UQCRC1: variants seen among roughly 807,000 people sequenced by gnomAD.
UQCRC1 encodes the protein ubiquinol-cytochrome c reductase core protein 1.
In UQCRC1, 34 loss-of-function variants were observed where a neutral mutation model predicts 58.0. The ratio of observed to expected loss-of-function variants is 0.59; its 90% confidence interval spans 0.45 to 0.78. The LOEUF is 0.78. UQCRC1 is among the 30% of genes least tolerant of loss of function. The pLI is 0.00. For missense variants in UQCRC1, 610 were observed against 646.0 expected (o/e 0.94, Z 0.60); for synonymous variants, 276 against 248.8 (o/e 1.11, Z -1.03).
At chr3:48,599,939 A>T in intron 11 of UQCRC1, 124 bp downstream of exon 11, 1 of 1,251,306 alleles carries the variant, frequency 8.0e-7, no homozygotes, top group African/African-American at 1.5e-5. Flanking sequence ...CCTGCAGGTG[A>T]CAGCTGCCTA....
intron 2 of UQCRC1, among the ~76,000 whole-genome samples, chr3:48,607,745 G>A (rs1026568736): frequency 1.3e-5 from 2 of 151,990 alleles, no homozygotes; most frequent in African/African-American, 4.8e-5. Context: ...TGTCATTACA[G>A]GCACAGAATG....
intron 5 of UQCRC1, 89 bp downstream of exon 5, chr3:48,604,144 C>G (rs962951627): frequency 2.1e-6 from 3 of 1,439,420 alleles, no homozygotes; most frequent in African/African-American, 1.4e-5. Context: ...ATAACCCCGA[C>G]AGCTAGCCAA....
chr3:48,603,707 A>G (rs865824723), intron 5 of UQCRC1, 64 bp from the exon 6 acceptor site: 3 of 1,481,012 alleles, frequency 2.0e-6, no homozygotes, highest in Middle Eastern at 1.8e-4. Flanking sequence ...GGGTACATGC[A>G]TGAATGGGAC....
chr3:48,604,605 C>T (rs753630878), intron 4 of UQCRC1, 46 bp downstream of exon 4: 16 of 1,612,066 alleles, frequency 9.9e-6, no homozygotes, highest in Non-Finnish European at 1.4e-5. Flanking sequence ...GGTAGCTGTC[C>T]TCTGCTTCCC....
At chr3:48,599,270 C>T (rs1479536130) in intron 12 of UQCRC1, 78 bp from the exon 13 acceptor site, 9 of 1,450,766 alleles carry the variant, frequency 6.2e-6, no homozygotes, top group Middle Eastern at 2.1e-4. Context: ...GCACCCAGCT[C>T]GGAGATGCTG....
At position 48,599,082 on chromosome 3, in the gene UQCRC1, G is replaced by A. The variant is rs755358066; in HGVS notation, c.*46C>T. 21 of 1,602,708 alleles carry A rather than the reference G, an allele frequency of 1.3e-5. No individual in the cohort carries two copies. The East Asian group carries it at 1.3e-4, about 10-fold the overall frequency. On this transcript the variant is annotated 3_prime_UTR_variant, in exon 13 of 13. Transcript: ENST00000203407. ...AGTGCTGTGTTTGTGGTGGGGGGGGGACCACAAACCCCGGCCCTGCCCTCT... is the reference window on the plus strand; with the variant it reads ...AGTGCTGTGTTTGTGGTGGGGGGGGAACCACAAACCCCGGCCCTGCCCTCT...
In UQCRC1 at chr3:48,599,652, G is replaced by C; in HGVS notation, c.1361C>G (p.Pro454Arg). 6.2e-7 allele frequency: 1 copy of C among 1,613,896 alleles called. No homozygotes were observed. The highest frequency in any genetic ancestry group is 8.5e-7 in the Non-Finnish European group (1 of 1,179,962). Residue 454 changes from proline (P) to arginine (R), a missense_variant, in exon 12 of 13, where the codon CCA becomes CGA. Coordinates refer to ENST00000203407, the MANE Select transcript of UQCRC1 (RefSeq NM_003365.3). ...ICSKYIYDQC[P>R]AVAGYGPIEQ... ...CCACTTACCATATCCAGCCACTGCT[G>C]GGCACTGGTCATAGATGTACTTGGA...
At chr3:48,609,323 G>A in intron 1 of UQCRC1, 21 bp from the exon 2 acceptor site, 1 of 1,595,528 alleles carries the variant, frequency 6.3e-7, no homozygotes, top group East Asian at 2.3e-5. Context: ...GAACAGCCGC[G>A]AGTGAGGACT....
At chr3:48,602,111 T>C (rs1205980921) in intron 6 of UQCRC1, among the ~76,000 whole-genome samples, 1 of 150,024 alleles carries the variant, frequency 6.7e-6, no homozygotes, top group Non-Finnish European at 1.5e-5. Context: ...AGCACAGTGG[T>C]GCAATCTCAG....
At chr3:48,609,531 G>A in intron 1 of UQCRC1, 21 bp downstream of exon 1, 2 of 1,555,930 alleles carry the variant, frequency 1.3e-6, no homozygotes, top group Admixed American at 1.8e-5. Context: ...CCGAAGCCCC[G>A]CGCTCTCGCC....
chr3:48,609,404 C>A, intron 1 of UQCRC1, 102 bp from the exon 2 acceptor site: 1 of 1,519,424 alleles, frequency 6.6e-7, no homozygotes, highest in Non-Finnish European at 8.8e-7. Flanking sequence ...AGGCAAGCGG[C>A]GAGATACCTT....
chr3:48,606,562 T>C (rs575306506), intron 2 of UQCRC1, among the ~76,000 whole-genome samples: 70 of 152,104 alleles, frequency 4.6e-4, no homozygotes, highest in African/African-American at 1.6e-3. Flanking sequence ...GCCTGGCCAA[T>C]ATAGTGAAAC....
In UQCRC1 at chr3:48,609,319, C is replaced by A. The variant is rs758612069; in HGVS notation, c.70-17G>T. The A allele has an allele frequency of 1.8e-5, 29 of 1,595,478 alleles. No homozygotes were observed. Among genetic ancestry groups the A allele is most frequent in the Admixed American group, 5.1e-5 (3 of 59,356 alleles). Reference sequence around the variant, plus strand: ...CAGGGCCGGCTGTGGAAGGGAACAGCCGCGAGTGAGGACTCGGTCAGGGGA... The same window carrying A: ...CAGGGCCGGCTGTGGAAGGGAACAGACGCGAGTGAGGACTCGGTCAGGGGA... On this transcript the variant is annotated splice_polypyrimidine_tract_variant and intron_variant, in intron 1 of 12. Transcript: ENST00000203407.
chr3:48,601,425 A>T lies in UQCRC1; in HGVS notation c.749T>A (p.Leu250His). The T allele has an allele frequency of 6.2e-7, 1 of 1,614,166 alleles. No homozygotes were observed. Among genetic ancestry groups the T allele is most frequent in the South Asian group, 1.1e-5 (1 of 91,076 alleles). ...TGCATATGTCCATGGGATGCCACCG[A>T]GGTGCTTCTGGGCGAGGTCTAACAG... ...QQLLDLAQKH[L>H]GGIPWTYAED... The change falls in exon 7 of 13, where the codon CTC becomes CAC. Residue 250 changes from leucine to histidine, a missense_variant. Leu to His is a moderately conservative substitution (Grantham distance 99, BLOSUM62 -3). Transcript: ENST00000203407.
chr3:48,605,716 G>A (rs2046405287), intron 3 of UQCRC1, 54 bp downstream of exon 3: 1 of 1,562,182 alleles, frequency 6.4e-7, no homozygotes, highest in South Asian at 1.2e-5. Context: ...TTCATCCTCA[G>A]GAGGGACAAC....
intron 1 of UQCRC1, 25 bp downstream of exon 1, chr3:48,609,526 GC>G: frequency 1.9e-6 from 3 of 1,552,322 alleles, no homozygotes; most frequent in East Asian, 4.8e-5. Flanking sequence ...CTGTCCCGAA[GC>G]CCCGCGCTCT....
In UQCRC1 at chr3:48,604,407, A is replaced by C. The variant is rs777840697; in HGVS notation, c.452T>G (p.Val151Gly). 6.2e-7 allele frequency: 1 copy of C among 1,614,150 alleles called. No homozygotes were observed. The highest frequency in any genetic ancestry group is 8.5e-7 in the Non-Finnish European group (1 of 1,180,022). ...TGAGTCTTCCAGACTACAGTTCTGCACAATGTCACCCAGGAGCTCCACAGC... is the reference window on the plus strand; with the variant it reads ...TGAGTCTTCCAGACTACAGTTCTGCCCAATGTCACCCAGGAGCTCCACAGC... ...PKAVELLGDIVQNCSLEDSQI... is the reference protein window; with the variant it reads ...PKAVELLGDIGQNCSLEDSQI... The change falls in exon 5 of 13, where the codon GTG becomes GGG. Residue 151 changes from valine to glycine, a missense_variant. By Grantham distance (109) the Val-to-Gly change is moderately radical. Coordinates refer to ENST00000203407, the MANE Select transcript of UQCRC1 (RefSeq NM_003365.3).
intron 1 of UQCRC1, 99 bp downstream of exon 1, chr3:48,609,453 C>G: frequency 1.3e-6 from 2 of 1,521,320 alleles, no homozygotes; most frequent in Middle Eastern, 3.4e-4. Context: ...GGCCCTGACC[C>G]CGCGTCCTCC....
At position 48,604,410 on chromosome 3, in the gene UQCRC1, A is replaced by G. The variant is rs753997787; in HGVS notation, c.449T>C (p.Ile150Thr). The change falls in exon 5 of 13, where the codon ATT becomes ACT. Residue 150 changes from isoleucine (I) to threonine (T), a missense_variant. Physicochemically the swap from Ile to Thr is moderately conservative, Grantham distance 89 (BLOSUM62 -1). Transcript: ENST00000203407. ...LPKAVELLGD[I>T]VQNCSLEDSQ... ...GTCTTCCAGACTACAGTTCTGCACA[A>G]TGTCACCCAGGAGCTCCACAGCTAG... The G allele has an allele frequency of 3.7e-6, 6 of 1,613,960 alleles. No homozygotes were observed. The highest frequency in any genetic ancestry group is 1.7e-5 in the Admixed American group (1 of 60,006).
Sources: allele counts gnomAD v4.1 joint callset (sites outside exome capture counted in the v4.1 genomes callset), GRCh38; gene constraint gnomAD v4.1.1; transcripts MANE v1.5; gene names NCBI Gene and HGNC (gene_info 2026-07-23, HGNC 2026-07-21).